The following ITK variants were observed in gnomAD, a reference collection of about 807,000 sequenced individuals.
The protein encoded by ITK is IL2 inducible T cell kinase.
ITK carries 45 observed loss-of-function variants against 87.6 expected under a neutral mutation model. The ratio of observed to expected loss-of-function variants is 0.51; its 90% CI spans 0.40 to 0.66. The LOEUF is 0.66. ITK is among the 30% of genes least tolerant of loss of function. The probability of loss-of-function intolerance (pLI) is 0.00; values close to 1 mark genes in which losing one functional copy is unlikely to be tolerated. For missense variants in ITK, 605 were observed against 766.3 expected (o/e 0.79, Z 2.48); for synonymous variants, 303 against 273.6 (o/e 1.11, Z -1.06).
At chr5:157,202,363 A>C (rs1753994765) in intron 1 of ITK, among the ~76,000 whole-genome samples, 1 of 152,100 alleles carries the variant, frequency 6.6e-6, no homozygotes, top group Non-Finnish European at 1.5e-5. Flanking sequence ...ACAGGTGTGC[A>C]CCATCATGCC....
rs79482876 is a variant in ITK at position 157,243,918 on chromosome 5, A to G, written c.1232+124A>G. On this transcript the variant is annotated intron_variant, in intron 12 of 16. Transcript: ENST00000422843. ...CGCAAACTCCCAGCAGTGGCTTCCT[A>G]TTGCACAGAGAATACAATCAAACTC... The G allele has an allele frequency of 4.5e-4, 393 of 882,340 alleles. No individual in the cohort carries two copies. In the African/African-American group the frequency reaches 6.1e-3, roughly 14 times the overall value. The allele number at this position is 882,340 out of a possible 1,614,324, so 54.7% of individuals were successfully genotyped here. A position where few individuals can be genotyped will look rare whatever the true frequency, so the allele number is the denominator to read the frequency against.
chr5:157,202,551 T>C (rs1753998622), intron 1 of ITK, among the ~76,000 whole-genome samples: 1 of 152,192 alleles, frequency 6.6e-6, no homozygotes, highest in South Asian at 2.1e-4. Flanking sequence ...AATGGGCATT[T>C]AGGTTAATTC....
chr5:157,195,709 G>A (rs557704616), intron 1 of ITK: 11 of 152,200 alleles, frequency 7.2e-5, no homozygotes, highest in East Asian at 1.9e-4. Context: ...TTTTTAAATA[G>A]TAGTAACATA....
intron 1 of ITK, among the ~76,000 whole-genome samples, chr5:157,194,149 G>A (rs112129414): frequency 2.0e-5 from 3 of 152,174 alleles, no homozygotes; most frequent in African/African-American, 7.2e-5. Flanking sequence ...TATCTCTGTG[G>A]TTACCCAAGT....
At chr5:157,243,590 C>G (rs1754957490) in intron 11 of ITK, 33 bp from the exon 12 acceptor site, 1 of 1,596,844 alleles carries the variant, frequency 6.3e-7, no homozygotes, top group African/African-American at 1.3e-5. Flanking sequence ...CTACTGCTTG[C>G]TGACCCCAGA....
Position 157,254,852 on chromosome 5 carries a change from G to GTGTAC in ITK, c.*2175_*2179dup, listed in dbSNP as rs1227567219. On this transcript the variant is annotated 3_prime_UTR_variant, in exon 17 of 17. Transcript: ENST00000422843. ...ATTCATCTAATCCTCAACTGTACAT[G>GTGTAC]TGTACATTCTTCACCTCCTGGTGCC... 9.2e-6 allele frequency: 2 copies of GTGTAC among 216,574 alleles called. No individual in the cohort carries two copies. Among genetic ancestry groups the GTGTAC allele is most frequent in the Non-Finnish European group, 1.9e-5 (2 of 107,618 alleles). 13.4% of individuals were successfully genotyped at this position (216,574 alleles called of 1,614,324 possible).
chr5:157,185,321 C>A (rs1580871351), intron 1 of ITK, among the ~76,000 whole-genome samples: 1 of 151,836 alleles, frequency 6.6e-6, no homozygotes, highest in South Asian at 2.1e-4. Context: ...TCACTGCAAC[C>A]TCTGCCTCCC....
intron 1 of ITK, among the ~76,000 whole-genome samples, chr5:157,184,044 C>T (rs1026447210): frequency 2.0e-5 from 3 of 152,138 alleles, no homozygotes; most frequent in African/African-American, 7.2e-5. Flanking sequence ...GGCCAAGAAG[C>T]GCCTTCATCT....
chr5:157,220,352 T>G (rs934856421), intron 5 of ITK, among the ~76,000 whole-genome samples: 7 of 152,200 alleles, frequency 4.6e-5, no homozygotes, highest in Non-Finnish European at 4.4e-5. Flanking sequence ...CTTGGCCCCC[T>G]GCATCCATGG....
chr5:157,210,692 C>A (rs1192094276), intron 2 of ITK, among the ~76,000 whole-genome samples: 1 of 101,468 alleles, frequency 9.9e-6, no homozygotes, highest in Admixed American at 1.1e-4. Flanking sequence ...TATCCCTCCC[C>A]CCTCCCCCCA....
chr5:157,201,300 C>CTT (rs34626223), intron 1 of ITK, among the ~76,000 whole-genome samples: 70,595 of 128,408 alleles, frequency 0.55, 20,287 homozygotes, highest in African/African-American at 0.61. Context: ...TAAATTTCCA[C>CTT]TTTTTTTTTT....
At chr5:157,239,536 T>A (rs1361743932) in intron 9 of ITK, among the ~76,000 whole-genome samples, 1 of 152,166 alleles carries the variant, frequency 6.6e-6, no homozygotes, top group Admixed American at 6.5e-5. Context: ...GCAGACGGTT[T>A]AGGTACAGCT....
At position 157,192,529 on chromosome 5, in the gene ITK, C is replaced by T. The variant is rs548820672; in HGVS notation, c.138+11414C>T. On this transcript the variant is annotated intron_variant, in intron 1 of 16. Transcript: ENST00000422843. ...GCCTAATAGAAAAGAGATTTGGACC[C>T]GGGTCACCGGGCTAATTCTTTACTC... 2.8e-4 allele frequency among the ~76,000 whole-genome samples: 42 copies of T among 152,292 alleles called. No individual in the cohort carries two copies. The South Asian group carries it at 7.9e-3, about 29-fold the overall frequency.
intron 1 of ITK, among the ~76,000 whole-genome samples, chr5:157,186,840 C>T (rs73814020): frequency 0.019 from 2,822 of 152,282 alleles, 84 homozygotes; most frequent in African/African-American, 0.065. Context: ...TCCCTGCACC[C>T]GCTTCACCCC....
At position 157,217,918 on chromosome 5, in the gene ITK, G is replaced by C. The variant is rs2113757961; in HGVS notation, c.495+11G>C. ...CCTGAAGACAACAGGGTGAGTGAGAGCGCTAGCTCCGGGTGCAGGTGGGCC... is the reference window on the plus strand; with the variant it reads ...CCTGAAGACAACAGGGTGAGTGAGACCGCTAGCTCCGGGTGCAGGTGGGCC... On this transcript the variant is annotated intron_variant, in intron 5 of 16. Coordinates refer to ENST00000422843, the MANE Select transcript of ITK (RefSeq NM_005546.4). The C allele has an allele frequency of 6.2e-7, 1 of 1,613,214 alleles. No homozygotes were observed. Among genetic ancestry groups the C allele is most frequent in the South Asian group, 1.1e-5 (1 of 91,044 alleles).
chr5:157,193,758 T>C (rs1296766128), intron 1 of ITK, among the ~76,000 whole-genome samples: 1 of 152,196 alleles, frequency 6.6e-6, no homozygotes, highest in Non-Finnish European at 1.5e-5. Flanking sequence ...GGGCAAGGAT[T>C]TGTTGGTGAG....
rs577383974 is a variant in ITK at position 157,195,822 on chromosome 5, G to A, written c.139-13067G>A. 36 of 152,308 alleles carry A rather than the reference G, an allele frequency of 2.4e-4. No homozygotes were observed. The East Asian group carries it at 4.0e-3, about 17-fold the overall frequency. The allele number at this position is 152,308 out of a possible 1,614,324, so 9.4% of individuals were successfully genotyped here. ...GATATTCTTCATTCTGTTTATGGTT[G>A]CATAATACTTCATTGTATGCATGAA... On this transcript the variant is annotated intron_variant, in intron 1 of 16. Transcript: ENST00000422843.
intron 7 of ITK, among the ~76,000 whole-genome samples, chr5:157,231,379 A>G (rs941169363): frequency 2.0e-5 from 3 of 152,290 alleles, no homozygotes; most frequent in South Asian, 2.1e-4. Flanking sequence ...GGCAGCCACT[A>G]CTATCGCTGA....
At chr5:157,223,417 G>GAT (rs1420080580) in intron 6 of ITK, among the ~76,000 whole-genome samples, 209 of 152,308 alleles carry the variant, frequency 1.4e-3, no homozygotes, top group African/African-American at 4.9e-3. Flanking sequence ...AAGAAAATGT[G>GAT]TGTATAGAGA....
Sources: gnomAD v4.1 joint callset for allele counts (sites outside exome capture counted in the v4.1 genomes callset) on GRCh38, gnomAD v4.1.1 for gene constraint, MANE v1.5 for transcripts, NCBI Gene and HGNC (gene_info 2026-07-23, HGNC 2026-07-21) for gene names.